GPR158: variants seen among roughly 807,000 people sequenced by gnomAD.
The protein encoded by GPR158 is metabotropic glycine receptor.
In GPR158, 30 loss-of-function variants were observed where a neutral mutation model predicts 78.2. The observed-to-expected ratio is 0.38, with a 90% confidence interval of 0.29 to 0.52. The LOEUF is 0.52. Ranked by LOEUF, GPR158 falls within the 20% of genes least tolerant of loss-of-function variation. The probability of loss-of-function intolerance (pLI) is 0.83; values close to 1 mark genes in which losing one functional copy is unlikely to be tolerated. For synonymous variants in GPR158, 581 were observed against 591.1 expected, an observed-to-expected ratio of 0.98 and a Z score of 0.25; for missense variants, 1,463 against 1,523.5, an observed-to-expected ratio of 0.96 and a Z score of 0.66.
intron 7 of GPR158, among the ~76,000 whole-genome samples, chr10:25,581,829 T>G (rs1426806335): frequency 6.6e-6 from 1 of 152,010 alleles, no homozygotes; most frequent in Non-Finnish European, 1.5e-5. Flanking sequence ...CCCATGCAAA[T>G]GACAGTGTAT....
rs575599937 is a variant in GPR158, at chr10:25,546,616, C to T, written c.1405-4360C>T. On this transcript the variant is annotated intron_variant, in intron 5 of 10. Coordinates refer to ENST00000376351, the MANE Select transcript of GPR158 (RefSeq NM_020752.3). ...GCCTTTGCCCTATAGCTTTATTTTT[C>T]CTTTCATCCAAGAAATATTTACTGA... Among the ~76,000 whole-genome samples, 13 of 152,246 alleles carry T rather than the reference C, an allele frequency of 8.5e-5. No individual in the cohort carries two copies. The East Asian group carries it at 2.5e-3, about 30-fold the overall frequency.
At chr10:25,323,527 GA>G (rs1854985976) in intron 2 of GPR158, among the ~76,000 whole-genome samples, 2 of 144,750 alleles carry the variant, frequency 1.4e-5, no homozygotes, top group South Asian at 2.3e-4. Context: ...ATCTTAGGTA[GA>G]TTTTTTTTTT....
intron 6 of GPR158, among the ~76,000 whole-genome samples, chr10:25,556,237 G>T (rs981969098): frequency 1.3e-5 from 2 of 152,190 alleles, no homozygotes; most frequent in Admixed American, 1.3e-4. Context: ...GAATCCAGAA[G>T]ATTCCTCTAA....
intron 2 of GPR158, among the ~76,000 whole-genome samples, chr10:25,317,734 T>TC (rs1564420581): frequency 6.8e-6 from 1 of 146,480 alleles, no homozygotes; most frequent in African/African-American, 2.7e-5. Context: ...TTGTTTTGTT[T>TC]TGTTTTGTTT....
At chr10:25,549,457 T>A (rs979946610) in intron 5 of GPR158, among the ~76,000 whole-genome samples, 2 of 149,638 alleles carry the variant, frequency 1.3e-5, no homozygotes, top group African/African-American at 4.9e-5. Flanking sequence ...AAAAACAGGT[T>A]TTTACTTTTT....
chr10:25,463,182 A>T (rs1379827814), intron 4 of GPR158, among the ~76,000 whole-genome samples: 3 of 152,216 alleles, frequency 2.0e-5, no homozygotes, highest in Non-Finnish European at 4.4e-5. Context: ...GCCTCAGATG[A>T]TTATTAGCAT....
intron 6 of GPR158, among the ~76,000 whole-genome samples, chr10:25,556,896 C>T (rs1477723428): frequency 7.3e-6 from 1 of 137,898 alleles, no homozygotes; most frequent in Admixed American, 7.4e-5. Flanking sequence ...CATTTAAAAA[C>T]GTTGAAAAAA....
intron 6 of GPR158, among the ~76,000 whole-genome samples, chr10:25,555,317 GGAAAGGAAA>G (rs1201964621): frequency 1.3e-5 from 2 of 152,138 alleles, no homozygotes; most frequent in Non-Finnish European, 2.9e-5. Context: ...AGGAAGAATG[GGAAAGGAAA>G]GAAAGGAAAG....
At chr10:25,595,995 G>A (rs1199955879) in intron 9 of GPR158, among the ~76,000 whole-genome samples, 1 of 152,066 alleles carries the variant, frequency 6.6e-6, no homozygotes, top group African/African-American at 2.4e-5. Flanking sequence ...ATAAAATCCT[G>A]TATTCTCATG....
chr10:25,490,278 T>G (rs190211612), intron 5 of GPR158, among the ~76,000 whole-genome samples: 1 of 150,248 alleles, frequency 6.7e-6, no homozygotes, highest in Non-Finnish European at 1.5e-5. Flanking sequence ...ATACATACAC[T>G]TTTTTTTTGG....
At chr10:25,408,087 G>A (rs1834538412) in intron 3 of GPR158, among the ~76,000 whole-genome samples, 1 of 152,170 alleles carries the variant, frequency 6.6e-6, no homozygotes, top group Non-Finnish European at 1.5e-5. Context: ...AGTTTCATTT[G>A]TATTGAAAGT....
chr10:25,380,836 A>G (rs965097440), intron 2 of GPR158, among the ~76,000 whole-genome samples: 1 of 152,248 alleles, frequency 6.6e-6, no homozygotes, highest in African/African-American at 2.4e-5. Flanking sequence ...GGCTTGGATT[A>G]GTATTATGAC....
intron 2 of GPR158, among the ~76,000 whole-genome samples, chr10:25,389,719 G>A (rs1834268680): frequency 6.6e-6 from 1 of 152,132 alleles, no homozygotes; most frequent in African/African-American, 2.4e-5. Context: ...AAGAAGGGCT[G>A]TGGCCCTTTG....
chr10:25,496,930 G>A (rs564784473), intron 5 of GPR158, among the ~76,000 whole-genome samples: 15 of 152,320 alleles, frequency 9.8e-5, no homozygotes, highest in South Asian at 2.1e-4. Context: ...GTAGCAGTGG[G>A]AACTTAGGAG....
At chr10:25,522,495 G>A (rs1404140386) in intron 5 of GPR158, among the ~76,000 whole-genome samples, 1 of 152,100 alleles carries the variant, frequency 6.6e-6, no homozygotes, top group Non-Finnish European at 1.5e-5. Context: ...TTTGGCTTTG[G>A]TAATGAGATA....
intron 4 of GPR158, among the ~76,000 whole-genome samples, chr10:25,440,197 C>A (rs559052369): frequency 1.3e-5 from 2 of 152,278 alleles, no homozygotes; most frequent in Non-Finnish European, 2.9e-5. Context: ...TCTCTCTTAC[C>A]ATACACAGAT....
intron 2 of GPR158, among the ~76,000 whole-genome samples, chr10:25,235,693 ATTTT>A (rs930396368): frequency 5.4e-4 from 62 of 113,782 alleles, no homozygotes; most frequent in African/African-American, 1.9e-3. Context: ...TTGCACAGTA[ATTTT>A]TTTTTTTTTT....
intron 4 of GPR158, among the ~76,000 whole-genome samples, chr10:25,431,176 ACCCC>A (rs1453489651): frequency 2.8e-5 from 2 of 71,966 alleles, no homozygotes; most frequent in African/African-American, 4.2e-5. Flanking sequence ...GAAAAAAACA[ACCCC>A]ATCAAAAATT....
At chr10:25,189,377 A>C (rs2130639701) in intron 1 of GPR158, among the ~76,000 whole-genome samples, 1 of 152,348 alleles carries the variant, frequency 6.6e-6, no homozygotes, top group South Asian at 2.1e-4. Flanking sequence ...AAGACTTGGA[A>C]CCAACCCAAA....
Sources: allele counts gnomAD v4.1 joint callset (sites outside exome capture counted in the v4.1 genomes callset), GRCh38; gene constraint gnomAD v4.1.1; transcripts MANE v1.5; gene names NCBI Gene and HGNC (gene_info 2026-07-23, HGNC 2026-07-21).